The following TET1 variants were observed in gnomAD, a reference collection of about 807,000 sequenced individuals.
TET1 encodes methylcytosine dioxygenase TET1.
Under a neutral mutation model 148.7 loss-of-function variants are expected in TET1, and 13 were observed. The ratio of observed to expected loss-of-function variants is 0.09; its 90% CI spans 0.06 to 0.14. The LOEUF is 0.14. Ranked by LOEUF, TET1 falls within the 10% of genes least tolerant of loss-of-function variation. The pLI, the probability that TET1 is intolerant of heterozygous loss-of-function variation, is 1.00. For missense variants in TET1, 2,182 were observed against 2,553.8 expected (o/e 0.85, Z 3.14); for synonymous variants, 907 against 937.2 (o/e 0.97, Z 0.59).
intron 2 of TET1, among the ~76,000 whole-genome samples, chr10:68,599,893 G>A (rs886945814): frequency 3.9e-5 from 6 of 152,098 alleles, no homozygotes; most frequent in African/African-American, 1.2e-4. Context: ...GCCACTCAGA[G>A]TGGCAAGTGT....
intron 6 of TET1, among the ~76,000 whole-genome samples, chr10:68,655,095 A>G (rs2055002733): frequency 6.6e-6 from 1 of 152,052 alleles, no homozygotes; most frequent in Admixed American, 6.5e-5. Flanking sequence ...ACAGTGTACT[A>G]TGGTGGCTCC....
At chr10:68,649,998 G>A (rs1327149239) in intron 4 of TET1, among the ~76,000 whole-genome samples, 1 of 152,128 alleles carries the variant, frequency 6.6e-6, no homozygotes, top group Non-Finnish European at 1.5e-5. Flanking sequence ...ATCATCCCAA[G>A]TAGTACCATC....
intron 10 of TET1, among the ~76,000 whole-genome samples, chr10:68,683,305 G>A (rs1417932485): frequency 6.6e-6 from 1 of 152,126 alleles, no homozygotes; most frequent in Admixed American, 6.5e-5. Flanking sequence ...TTGAGACGGA[G>A]TCTCACTCTG....
chr10:68,668,806 A>C (rs563690454), intron 7 of TET1, among the ~76,000 whole-genome samples: 2 of 152,282 alleles, frequency 1.3e-5, no homozygotes, highest in Non-Finnish European at 2.9e-5. Flanking sequence ...GTAAGACTCC[A>C]TCTCTACAAA....
chr10:68,684,739 G>A (rs1348494913), intron 10 of TET1, among the ~76,000 whole-genome samples: 1 of 151,844 alleles, frequency 6.6e-6, no homozygotes, highest in Non-Finnish European at 1.5e-5. Context: ...CCTTCACCCT[G>A]TTTTACCATA....
intron 2 of TET1, among the ~76,000 whole-genome samples, chr10:68,580,640 G>A (rs2053783375): frequency 1.3e-5 from 2 of 151,384 alleles, no homozygotes; most frequent in South Asian, 2.1e-4. Context: ...AAATTAGCCG[G>A]GTGTGGTGGT....
intron 2 of TET1, among the ~76,000 whole-genome samples, chr10:68,576,353 A>T (rs1359188878): frequency 1.3e-5 from 2 of 151,674 alleles, no homozygotes; most frequent in Non-Finnish European, 2.9e-5. Context: ...TGTCTCAAAA[A>T]AAAAAAAAAA....
At chr10:68,615,284 CT>C (rs1003314368) in intron 3 of TET1, among the ~76,000 whole-genome samples, 6 of 151,850 alleles carry the variant, frequency 4.0e-5, no homozygotes, top group African/African-American at 1.4e-4. Flanking sequence ...CTTTTTTTTC[CT>C]CTCTCTCTCC....
chr10:68,667,771 T>C (rs1326652474), intron 7 of TET1, among the ~76,000 whole-genome samples: 1 of 151,322 alleles, frequency 6.6e-6, no homozygotes, highest in Non-Finnish European at 1.5e-5. Flanking sequence ...AAGAAAAGAA[T>C]ATTATTTCAT....
chr10:68,594,298 T>C (rs1406004127), intron 2 of TET1, among the ~76,000 whole-genome samples: 2 of 152,176 alleles, frequency 1.3e-5, no homozygotes, highest in East Asian at 3.9e-4. Flanking sequence ...CAGTTTCTAG[T>C]TGGTACAAAG....
At chr10:68,613,938 C>CAAAA (rs56302094) in intron 3 of TET1, among the ~76,000 whole-genome samples, 1 of 118,634 alleles carries the variant, frequency 8.4e-6, no homozygotes, top group Non-Finnish European at 1.8e-5. Flanking sequence ...GACTTCGTCT[C>CAAAA]AAAAAAAAAA....
At chr10:68,644,584 AT>A in intron 3 of TET1, 113 bp from the exon 4 acceptor site, 1 of 1,049,236 alleles carries the variant, frequency 9.5e-7, no homozygotes, top group Non-Finnish European at 1.3e-6. Flanking sequence ...CAAAAATAAT[AT>A]TTTAGGCTGT....
chr10:68,684,055 G>GT (rs1450779543), intron 10 of TET1, among the ~76,000 whole-genome samples: 2 of 152,048 alleles, frequency 1.3e-5, no homozygotes, highest in Admixed American at 6.6e-5. Context: ...TGCTGCACCA[G>GT]TTTTTTAGGT....
In TET1 at chr10:68,683,795, G is replaced by C. The variant is rs74441661; in HGVS notation, c.5052+822G>C. On this transcript the variant is annotated intron_variant, in intron 10 of 11. Coordinates refer to ENST00000373644, the MANE Select transcript of TET1 (RefSeq NM_030625.3). ...TACTTGATATTTGTTTTTGCCATCT[G>C]CACTTCAGGGTTTTTGTGAGGCAAC... Among the ~76,000 whole-genome samples the C allele has an allele frequency of 4.4e-3, 671 of 152,316 alleles. 6 individuals carry two copies. Among genetic ancestry groups the C allele is most frequent in the African/African-American group, 0.015 (641 of 41,568 alleles).
intron 3 of TET1, among the ~76,000 whole-genome samples, chr10:68,637,830 C>T (rs1044041802): frequency 3.3e-5 from 5 of 151,064 alleles, no homozygotes; most frequent in African/African-American, 1.2e-4. Flanking sequence ...GATGGCGCCA[C>T]TACACTCCAG....
intron 3 of TET1, among the ~76,000 whole-genome samples, chr10:68,625,901 A>G (rs971574139): frequency 6.6e-6 from 1 of 151,978 alleles, no homozygotes; most frequent in Non-Finnish European, 1.5e-5. Context: ...AGCCTGGGAA[A>G]CATGAAGAGA....
At chr10:68,572,183 A>G in intron 1 of TET1, 34 bp from the exon 2 acceptor site, 1 of 610,164 alleles carries the variant, frequency 1.6e-6, no homozygotes, top group Non-Finnish European at 2.9e-6. Context: ...CATAGGAAAA[A>G]GACTCACTTC....
intron 3 of TET1, among the ~76,000 whole-genome samples, chr10:68,631,967 G>C (rs190742341): frequency 6.6e-6 from 1 of 151,742 alleles, no homozygotes; most frequent in East Asian, 2.0e-4. Context: ...GTCCCTGAAA[G>C]CTATCTTTGA....
intron 8 of TET1, among the ~76,000 whole-genome samples, chr10:68,673,821 T>A (rs2055307429): frequency 6.6e-6 from 1 of 151,940 alleles, no homozygotes; most frequent in Non-Finnish European, 1.5e-5. Context: ...AAAACAATAC[T>A]TACCTTTCTT....
Sources: allele counts gnomAD v4.1 joint callset (sites outside exome capture counted in the v4.1 genomes callset), GRCh38; gene constraint gnomAD v4.1.1; transcripts MANE v1.5; gene names NCBI Gene and HGNC (gene_info 2026-07-23, HGNC 2026-07-21).